Variants in HS6ST2 observed in about 807,000 individuals in gnomAD.
HS6ST2 encodes the protein heparan-sulfate 6-O-sulfotransferase 2.
In HS6ST2, 17 loss-of-function variants were observed where a neutral mutation model predicts 33.0. The observed-to-expected ratio is 0.52, with a 90% CI of 0.35 to 0.77. The LOEUF (loss-of-function observed/expected upper bound fraction) is 0.77. HS6ST2 is among the 30% of genes least tolerant of loss of function. The pLI, the probability that HS6ST2 is intolerant of heterozygous loss-of-function variation, is 0.01. For missense variants in HS6ST2, 519 were observed against 551.7 expected (o/e 0.94, Z 0.59); for synonymous variants, 248 against 237.1 (o/e 1.05, Z -0.42).
chrX:132,915,626 C>A (rs1037435234), intron 2 of HS6ST2, among the ~76,000 whole-genome samples: 1 of 111,137 alleles, frequency 9.0e-6, no homozygotes, highest in African/African-American at 3.3e-5. Context: ...ATCCTCCTTG[C>A]TCCACCTAAC....
intron 2 of HS6ST2, among the ~76,000 whole-genome samples, chrX:132,772,880 T>C (rs1353506555): frequency 8.4e-4 from 75 of 89,213 alleles, no homozygotes; most frequent in Non-Finnish European, 1.4e-3. Flanking sequence ...AAATATAACA[T>C]ATATTATATA....
At position 132,956,839 on chromosome X, in the gene HS6ST2, C is replaced by A. The variant is rs866919041; in HGVS notation, c.916G>T (p.Gly306Cys). ...LTSCVPSVVDGKRDARLRPSR... is the reference protein window; with the variant it reads ...LTSCVPSVVDCKRDARLRPSR... Reference sequence around the variant, plus strand: ...GGTCTCAGCCTGGCGTCGCGCTTGCCGTCCACCACGGAGGGCACACAGCTG... The same window carrying A: ...GGTCTCAGCCTGGCGTCGCGCTTGCAGTCCACCACGGAGGGCACACAGCTG... Residue 306 changes from glycine (G) to cysteine (C), a missense_variant, in exon 2 of 5, where the codon GGC (glycine) becomes TGC (cysteine). Transcript: ENST00000370833. The A allele has an allele frequency of 2.5e-6, 3 of 1,179,636 alleles. No homozygotes were observed. Among genetic ancestry groups the A allele is most frequent in the Non-Finnish European group, 3.4e-6 (3 of 879,254 alleles).
chrX:132,718,592 T>G (rs1179753086), intron 2 of HS6ST2, among the ~76,000 whole-genome samples: 1 of 111,150 alleles, frequency 9.0e-6, no homozygotes, highest in African/African-American at 3.3e-5. Context: ...TCCTACTTAC[T>G]GTACAAGGCT....
At chrX:132,726,398 A>C (rs1368348152) in intron 2 of HS6ST2, among the ~76,000 whole-genome samples, 3 of 112,449 alleles carry the variant, frequency 2.7e-5, no homozygotes, top group Non-Finnish European at 5.6e-5. Context: ...CCAGGCAGTT[A>C]TTTTATATTT....
At chrX:132,724,424 T>A (rs1194292695) in intron 2 of HS6ST2, among the ~76,000 whole-genome samples, 1 of 110,637 alleles carries the variant, frequency 9.0e-6, no homozygotes, top group Non-Finnish European at 1.9e-5. Flanking sequence ...ACAAATATAA[T>A]CAAATATCTA....
Position 132,701,531 on chromosome X carries a change from T to C in HS6ST2, c.980+6931A>G, listed in dbSNP as rs1370215452. Among the ~76,000 whole-genome samples the C allele has an allele frequency of 4.5e-5, 5 of 112,190 alleles. No individual in the cohort carries two copies. The Admixed American group carries it at 4.7e-4, about 11-fold the overall frequency. ...ATAGTAAGTGACGACACAGAAGTTT[T>C]AAAGAAGGGAGATGCAAGGGTACTT... On this transcript the variant is annotated intron_variant, in intron 3 of 4. Coordinates refer to ENST00000370833, the MANE Select transcript of HS6ST2 (RefSeq NM_001394073.1).
chrX:132,854,849 C>T (rs1333925496), intron 2 of HS6ST2, among the ~76,000 whole-genome samples: 5 of 111,879 alleles, frequency 4.5e-5, no homozygotes, highest in African/African-American at 1.3e-4. Flanking sequence ...CTAACACAGA[C>T]GAACTGAATT....
intron 4 of HS6ST2, among the ~76,000 whole-genome samples, chrX:132,660,008 T>A (rs2063759746): frequency 9.0e-6 from 1 of 111,720 alleles, no homozygotes; most frequent in Non-Finnish European, 1.9e-5. Flanking sequence ...TTTAGTGATG[T>A]TTCCCTCAAC....
At chrX:132,734,097 T>G (rs1041203355) in intron 2 of HS6ST2, among the ~76,000 whole-genome samples, 1 of 100,967 alleles carries the variant, frequency 9.9e-6, no homozygotes. Flanking sequence ...AGATCACCTC[T>G]TAGGTTACTG....
At chrX:132,667,952 T>C (rs2063821616) in intron 4 of HS6ST2, among the ~76,000 whole-genome samples, 2 of 112,534 alleles carry the variant, frequency 1.8e-5, no homozygotes, top group Admixed American at 9.4e-5. Flanking sequence ...AAATGAGTTC[T>C]AACTGCTTGG....
At chrX:132,659,529 C>T (rs948838170) in intron 4 of HS6ST2, among the ~76,000 whole-genome samples, 2 of 110,702 alleles carry the variant, frequency 1.8e-5, no homozygotes, top group African/African-American at 6.7e-5. Flanking sequence ...TGATATTTCA[C>T]CACTCCCCAC....
At chrX:132,648,071 A>T (rs948649327) in intron 4 of HS6ST2, among the ~76,000 whole-genome samples, 2 of 112,336 alleles carry the variant, frequency 1.8e-5, no homozygotes, top group Non-Finnish European at 3.8e-5. Context: ...ATTGTGTTTG[A>T]CACATAATAT....
At chrX:132,689,145 C>T (rs903223340) in intron 3 of HS6ST2, among the ~76,000 whole-genome samples, 5 of 111,654 alleles carry the variant, frequency 4.5e-5, no homozygotes, top group African/African-American at 1.6e-4. Flanking sequence ...GTGCACAGAT[C>T]GAGAGAGAAG....
At chrX:132,629,938 G>A (rs747572583) in intron 4 of HS6ST2, among the ~76,000 whole-genome samples, 98 of 112,715 alleles carry the variant, frequency 8.7e-4, no homozygotes, top group African/African-American at 2.6e-3. Flanking sequence ...GCACGTGGAT[G>A]TCAGCAAGTG....
At chrX:132,745,922 T>C (rs1170068900) in intron 2 of HS6ST2, among the ~76,000 whole-genome samples, 2 of 111,972 alleles carry the variant, frequency 1.8e-5, no homozygotes, top group Non-Finnish European at 3.8e-5. Context: ...CTTAAAATCT[T>C]AGGTGAATTT....
intron 2 of HS6ST2, among the ~76,000 whole-genome samples, chrX:132,871,459 T>C (rs2066056188): frequency 8.9e-6 from 1 of 112,152 alleles, no homozygotes; most frequent in Non-Finnish European, 1.9e-5. Context: ...TAAATCATTC[T>C]ACTATAAAGA....
chrX:132,942,494 G>C (rs1196460028), intron 2 of HS6ST2, among the ~76,000 whole-genome samples: 3 of 112,200 alleles, frequency 2.7e-5, no homozygotes, highest in Non-Finnish European at 3.8e-5. Context: ...CCAAAAGGAA[G>C]AGAATGGTCA....
intron 4 of HS6ST2, among the ~76,000 whole-genome samples, chrX:132,648,084 G>T (rs2063660657): frequency 8.9e-6 from 1 of 112,063 alleles, no homozygotes; most frequent in African/African-American, 3.2e-5. Flanking sequence ...CATAATATAA[G>T]GTCAGTAAGC....
chrX:132,863,615 C>T (rs1370955516), intron 2 of HS6ST2, among the ~76,000 whole-genome samples: 9 of 110,532 alleles, frequency 8.1e-5, no homozygotes, highest in Non-Finnish European at 3.8e-5. Context: ...TGAGCCACTG[C>T]ATCTGGCCAT....
Sources: gnomAD v4.1 joint callset for allele counts (sites outside exome capture counted in the v4.1 genomes callset) on GRCh38, gnomAD v4.1.1 for gene constraint, MANE v1.5 for transcripts, NCBI Gene and HGNC (gene_info 2026-07-23, HGNC 2026-07-21) for gene names.